The following PROS1 variants were observed in gnomAD, a reference collection of about 807,000 sequenced individuals.
PROS1 encodes vitamin K-dependent protein S.
PROS1 carries 29 observed loss-of-function variants against 75.9 expected under a neutral mutation model. That is an observed-to-expected ratio of 0.38 (90% CI 0.28 to 0.52). PROS1 has a LOEUF of 0.52. Ranked by LOEUF, PROS1 falls within the 20% of genes least tolerant of loss-of-function variation. The pLI, the probability that PROS1 is intolerant of heterozygous loss-of-function variation, is 0.83. For synonymous variants in PROS1, 245 were observed against 280.6 expected, an observed-to-expected ratio of 0.87 and a Z score of 1.27; for missense variants, 680 against 810.3, an observed-to-expected ratio of 0.84 and a Z score of 1.95.
At chr3:93,892,480 C>T (rs71326805) in intron 10 of PROS1, among the ~76,000 whole-genome samples, 14,479 of 151,766 alleles carry the variant, frequency 0.095, 709 homozygotes, top group Middle Eastern at 0.21. Context: ...CAAAATTAGC[C>T]GGGCATGGTG....
chr3:93,889,431 A>G (rs1185859580), intron 10 of PROS1, among the ~76,000 whole-genome samples: 1 of 152,202 alleles, frequency 6.6e-6, no homozygotes. Flanking sequence ...TCCTATTAAT[A>G]TTAGACTCAT....
At chr3:93,883,876 G>T (rs535390084) in intron 12 of PROS1, among the ~76,000 whole-genome samples, 1 of 151,986 alleles carries the variant, frequency 6.6e-6, no homozygotes, top group African/African-American at 2.4e-5. Flanking sequence ...CTTGAATCCA[G>T]GTGGCAGAGG....
chr3:93,906,493 G>A (rs8178632), intron 4 of PROS1, among the ~76,000 whole-genome samples: 2,701 of 152,256 alleles, frequency 0.018, 69 homozygotes, highest in African/African-American at 0.052. Context: ...CTCCGGACCC[G>A]GGTGTCTCTG....
intron 2 of PROS1, 151 bp downstream of exon 2, chr3:93,927,099 C>T: frequency 1.0e-6 from 1 of 968,062 alleles, no homozygotes; most frequent in East Asian, 2.5e-5. Flanking sequence ...TTTGAAGGTA[C>T]TTCCTCCTGA....
At chr3:93,931,196 A>T (rs1337753521) in intron 1 of PROS1, among the ~76,000 whole-genome samples, 1 of 152,200 alleles carries the variant, frequency 6.6e-6, no homozygotes, top group Non-Finnish European at 1.5e-5. Context: ...GAGAGAGGTG[A>T]CATGATTTGC....
intron 1 of PROS1, among the ~76,000 whole-genome samples, chr3:93,949,707 A>T (rs1446379878): frequency 6.6e-6 from 1 of 152,346 alleles, no homozygotes; most frequent in East Asian, 1.9e-4. Flanking sequence ...GTTGAAAGAA[A>T]CGAGAAAGGA....
intron 1 of PROS1, among the ~76,000 whole-genome samples, chr3:93,937,704 G>T (rs1301257076): frequency 3.3e-5 from 5 of 152,070 alleles, no homozygotes; most frequent in South Asian, 2.1e-4. Flanking sequence ...GGCCAGGCAG[G>T]CCCAGGCCCA....
chr3:93,880,946 C>A (rs988522003), intron 12 of PROS1, among the ~76,000 whole-genome samples: 1 of 152,086 alleles, frequency 6.6e-6, no homozygotes, highest in African/African-American at 2.4e-5. Flanking sequence ...TTAAAAAAAT[C>A]TTTCATAGGC....
At position 93,896,708 on chromosome 3, in the gene PROS1, C is replaced by A; in HGVS notation, c.850-17G>T. ...TGAAACAACCTGGAATAAAAGAAAC[C>A]AAATAAACAACAAGAAAATCAAAAT... On this transcript the variant is annotated splice_polypyrimidine_tract_variant and intron_variant, in intron 8 of 14. Transcript: ENST00000394236. 1 of 1,550,964 alleles carries A rather than the reference C, an allele frequency of 6.4e-7. No individual in the cohort carries two copies. Among genetic ancestry groups the A allele is most frequent in the Non-Finnish European group, 8.9e-7 (1 of 1,122,940 alleles).
chr3:93,955,569 C>CCTG (rs1709585305), intron 1 of PROS1, among the ~76,000 whole-genome samples: 1 of 151,414 alleles, frequency 6.6e-6, no homozygotes, highest in Non-Finnish European at 1.5e-5. Context: ...CACAGGACGG[C>CCTG]CTGTCATGGG....
intron 1 of PROS1, among the ~76,000 whole-genome samples, chr3:93,944,043 GT>G (rs1225107284): frequency 6.6e-6 from 1 of 152,156 alleles, no homozygotes; most frequent in Non-Finnish European, 1.5e-5. Context: ...AGCCTGTTTG[GT>G]AGTCACTTCA....
intron 1 of PROS1, among the ~76,000 whole-genome samples, chr3:93,952,595 T>G (rs1709521632): frequency 6.6e-6 from 1 of 152,126 alleles, no homozygotes; most frequent in Non-Finnish European, 1.5e-5. Context: ...AGAGGGAAAT[T>G]TATAGAACTA....
Position 93,873,940 on chromosome 3 carries a change from A to G in PROS1, c.*305T>C, listed in dbSNP as rs1708145246. ...AACATAGGTATTTAGACACTAGTTC[A>G]TGATGATAAAATTAAAATTTAGTTT... On this transcript the variant is annotated 3_prime_UTR_variant, in exon 15 of 15. Transcript: ENST00000394236. 1 of 322,766 alleles carries G rather than the reference A, an allele frequency of 3.1e-6. No individual in the cohort carries two copies. Among genetic ancestry groups the G allele is most frequent in the African/African-American group, 2.1e-5 (1 of 46,696 alleles). 20.0% of individuals were successfully genotyped at this position (322,766 alleles called of 1,614,324 possible).
At chr3:93,951,506 G>A (rs568486582) in intron 1 of PROS1, among the ~76,000 whole-genome samples, 2 of 152,158 alleles carry the variant, frequency 1.3e-5, no homozygotes. Flanking sequence ...AGCTTCATAA[G>A]TGAAGGAGAA....
intron 14 of PROS1, among the ~76,000 whole-genome samples, chr3:93,875,662 CTATCTATCTATCTATCATCT>C (rs1269701951): frequency 7.3e-6 from 1 of 136,984 alleles, no homozygotes; most frequent in Non-Finnish European, 1.6e-5. Context: ...ATCTATCTAT[CTATCTATCTATCTATCATCT>C]ATCTATCTGT....
intron 4 of PROS1, among the ~76,000 whole-genome samples, chr3:93,907,984 C>A (rs1457678994): frequency 6.6e-6 from 1 of 152,060 alleles, no homozygotes; most frequent in East Asian, 1.9e-4. Flanking sequence ...CCTGTCTTTA[C>A]GAAAAATACA....
intron 1 of PROS1, 97 bp from the exon 2 acceptor site, chr3:93,927,504 G>A: frequency 3.0e-6 from 4 of 1,314,248 alleles, no homozygotes; most frequent in Non-Finnish European, 4.2e-6. Flanking sequence ...TTCTGCCTAT[G>A]AATTGTATGA....
chr3:93,904,275 T>A (rs1350674829), intron 6 of PROS1, among the ~76,000 whole-genome samples: 1 of 152,128 alleles, frequency 6.6e-6, no homozygotes, highest in African/African-American at 2.4e-5. Flanking sequence ...GCAATAAACA[T>A]ACGTGTGCAT....
chr3:93,898,180 T>C (rs1470179127), intron 8 of PROS1, among the ~76,000 whole-genome samples: 1 of 152,020 alleles, frequency 6.6e-6, no homozygotes, highest in Non-Finnish European at 1.5e-5. Flanking sequence ...AACATACAAG[T>C]TGTATTTTAT....
Sources: allele counts gnomAD v4.1 joint callset (sites outside exome capture counted in the v4.1 genomes callset), GRCh38; gene constraint gnomAD v4.1.1; transcripts MANE v1.5; gene names NCBI Gene and HGNC (gene_info 2026-07-23, HGNC 2026-07-21).